The following GRM5 variants were observed in gnomAD, a reference collection of about 807,000 sequenced individuals.
The protein encoded by GRM5 is glutamate metabotropic receptor 5.
A neutral mutation model predicts 83.1 loss-of-function variants in GRM5; 19 were observed. The observed-to-expected ratio is 0.23, with a 90% CI of 0.16 to 0.34. The LOEUF (loss-of-function observed/expected upper bound fraction) is 0.34. Among genes scored for constraint, GRM5 ranks in the 10% least tolerant of loss-of-function variants. GRM5 has a pLI of 1.00. For synonymous variants in GRM5, 675 were observed against 633.6 expected, an observed-to-expected ratio of 1.07 and a Z score of -0.98; for missense variants, 1,160 against 1,588.3, an observed-to-expected ratio of 0.73 and a Z score of 4.58.
chr11:89,011,110 C>T (rs1940683020), intron 2 of GRM5, among the ~76,000 whole-genome samples: 1 of 152,196 alleles, frequency 6.6e-6, no homozygotes, highest in Non-Finnish European at 1.5e-5. Flanking sequence ...CTGCTAACCT[C>T]AGTAAACAAA....
At chr11:89,042,638 C>A (rs1018034828) in intron 2 of GRM5, among the ~76,000 whole-genome samples, 1 of 152,088 alleles carries the variant, frequency 6.6e-6, no homozygotes, top group African/African-American at 2.4e-5. Context: ...TCAGTAGCTT[C>A]CACAGTACCA....
intron 4 of GRM5, among the ~76,000 whole-genome samples, chr11:88,629,296 C>G (rs963514218): frequency 6.6e-6 from 1 of 152,192 alleles, no homozygotes; most frequent in Non-Finnish European, 1.5e-5. Context: ...TAATACCCAA[C>G]AACTTTGCAT....
At chr11:88,611,756 T>C (rs1938323610) in intron 4 of GRM5, among the ~76,000 whole-genome samples, 1 of 152,142 alleles carries the variant, frequency 6.6e-6, no homozygotes, top group African/African-American at 2.4e-5. Flanking sequence ...TTCTGCTAGC[T>C]TTGATGTTGT....
At chr11:88,914,620 T>G (rs1168260787) in intron 2 of GRM5, among the ~76,000 whole-genome samples, 1 of 152,188 alleles carries the variant, frequency 6.6e-6, no homozygotes, top group African/African-American at 2.4e-5. Context: ...TCAGCACACA[T>G]CCTTGCTGCC....
At chr11:88,963,946 CTTATT>C (rs989304823) in intron 2 of GRM5, among the ~76,000 whole-genome samples, 1 of 152,036 alleles carries the variant, frequency 6.6e-6, no homozygotes, top group Non-Finnish European at 1.5e-5. Flanking sequence ...TATTCTTATT[CTTATT>C]TTATGTTTTA....
At chr11:88,747,395 A>T (rs1438147340) in intron 3 of GRM5, among the ~76,000 whole-genome samples, 1 of 152,184 alleles carries the variant, frequency 6.6e-6, no homozygotes, top group Non-Finnish European at 1.5e-5. Context: ...AAATGCCTGA[A>T]TTTAGATAAA....
chr11:89,051,106 T>C (rs1941749755), intron 1 of GRM5, among the ~76,000 whole-genome samples: 1 of 151,834 alleles, frequency 6.6e-6, no homozygotes, highest in Non-Finnish European at 1.5e-5. Context: ...TTTTAAATAC[T>C]TAAAATTAAA....
At chr11:88,515,793 G>C (rs1941503319) in intron 9 of GRM5, among the ~76,000 whole-genome samples, 1 of 152,154 alleles carries the variant, frequency 6.6e-6, no homozygotes, top group African/African-American at 2.4e-5. Context: ...AGAGAACAAA[G>C]CCAGACATAG....
At chr11:88,970,190 G>A (rs1939123737) in intron 2 of GRM5, among the ~76,000 whole-genome samples, 1 of 152,088 alleles carries the variant, frequency 6.6e-6, no homozygotes, top group African/African-American at 2.4e-5. Context: ...ATAAGCTTCT[G>A]TAACAAATAG....
intron 4 of GRM5, among the ~76,000 whole-genome samples, chr11:88,610,602 T>A (rs948586437): frequency 2.0e-5 from 3 of 152,184 alleles, no homozygotes; most frequent in African/African-American, 7.2e-5. Flanking sequence ...TGTTTATCAG[T>A]TCTAGAAGCC....
intron 2 of GRM5, among the ~76,000 whole-genome samples, chr11:89,046,321 T>C (rs1565350205): frequency 6.6e-6 from 1 of 152,208 alleles, no homozygotes; most frequent in Non-Finnish European, 1.5e-5. Flanking sequence ...TTCGATGATT[T>C]ATAAAAAGTA....
intron 3 of GRM5, among the ~76,000 whole-genome samples, 190 bp downstream of exon 3, chr11:88,849,716 A>G (rs550544405): frequency 6.6e-6 from 1 of 152,280 alleles, no homozygotes; most frequent in South Asian, 2.1e-4. Flanking sequence ...GTTACTATTA[A>G]TCAGCACATG....
intron 4 of GRM5, among the ~76,000 whole-genome samples, chr11:88,633,907 T>TTCA (rs1221815178): frequency 6.6e-6 from 1 of 152,188 alleles, no homozygotes; most frequent in Non-Finnish European, 1.5e-5. Context: ...GTTAGGCAAT[T>TTCA]TCATCACTGT....
chr11:88,575,547 T>G (rs1943092754), intron 7 of GRM5, among the ~76,000 whole-genome samples: 2 of 152,230 alleles, frequency 1.3e-5, no homozygotes, highest in Non-Finnish European at 2.9e-5. Flanking sequence ...GTGGGGCTAG[T>G]GGTGGCATAA....
intron 2 of GRM5, among the ~76,000 whole-genome samples, chr11:89,010,934 G>A (rs1268578176): frequency 1.3e-5 from 2 of 152,136 alleles, no homozygotes; most frequent in African/African-American, 2.4e-5. Flanking sequence ...GCATCCTGAT[G>A]GACTCTAGGT....
chr11:88,653,499 G>A, intron 3 of GRM5, 96 bp from the exon 4 acceptor site: 1 of 729,404 alleles, frequency 1.4e-6, no homozygotes. Flanking sequence ...TCATTAAATG[G>A]CTACCTCAGG....
intron 3 of GRM5, among the ~76,000 whole-genome samples, chr11:88,683,355 G>A (rs555755195): frequency 2.6e-5 from 4 of 152,282 alleles, no homozygotes; most frequent in East Asian, 1.9e-4. Flanking sequence ...TGTCACCAGC[G>A]AAAACACTGC....
intron 8 of GRM5, among the ~76,000 whole-genome samples, chr11:88,531,916 T>TA (rs1209271329): frequency 2.0e-5 from 3 of 152,096 alleles, no homozygotes; most frequent in Non-Finnish European, 4.4e-5. Context: ...TGTGAGCACT[T>TA]AAACTCGTTT....
chr11:88,985,464 G>A (rs1324768587), intron 2 of GRM5, among the ~76,000 whole-genome samples: 1 of 152,040 alleles, frequency 6.6e-6, no homozygotes, highest in South Asian at 2.1e-4. Flanking sequence ...TCACAGTTGA[G>A]CTTACCCCAT....
Sources: gnomAD v4.1 joint callset for allele counts (sites outside exome capture counted in the v4.1 genomes callset) on GRCh38, gnomAD v4.1.1 for gene constraint, MANE v1.5 for transcripts, NCBI Gene and HGNC (gene_info 2026-07-23, HGNC 2026-07-21) for gene names.